STARD9: variants seen among roughly 807,000 people sequenced by gnomAD.
STARD9 encodes stAR-related lipid transfer protein 9.
A neutral mutation model predicts 399.8 loss-of-function variants in STARD9; 346 were observed. That is an observed-to-expected ratio of 0.87 (90% CI 0.79 to 0.95). STARD9 has a LOEUF of 0.95. Ranked by LOEUF, STARD9 falls within the 40% of genes least tolerant of loss-of-function variation. The pLI, the probability that STARD9 is intolerant of heterozygous loss-of-function variation, is 0.00. For synonymous variants in STARD9, 2,203 were observed against 2,143.5 expected, an observed-to-expected ratio of 1.03 and a Z score of -0.77; for missense variants, 5,832 against 5,667.5, an observed-to-expected ratio of 1.03 and a Z score of -0.93.
intron 4 of STARD9, among the ~76,000 whole-genome samples, chr15:42,637,656 C>T (rs1208049230): frequency 6.6e-6 from 1 of 152,066 alleles, no homozygotes; most frequent in Non-Finnish European, 1.5e-5. Flanking sequence ...CTGGGTTTGC[C>T]GGCTTCTCCT....
In STARD9 at chr15:42,685,408, T is replaced by C; in HGVS notation, c.3830T>C (p.Leu1277Pro). 6.5e-7 allele frequency: 1 copy of C among 1,535,410 alleles called. No individual in the cohort carries two copies. Among genetic ancestry groups the C allele is most frequent in the East Asian group, 2.4e-5 (1 of 40,890 alleles). Residue 1277 changes from leucine to proline, a missense_variant, in exon 23 of 33, where the codon CTT (leucine) becomes CCT (proline). Physicochemically the swap from Leu to Pro is moderately conservative, Grantham distance 98 (BLOSUM62 -3). Coordinates refer to ENST00000290607, the MANE Select transcript of STARD9 (RefSeq NM_020759.3). ...CTGCCAATGAGCAGTTCGTTTTACC[T>C]TGATCCTCAGTTCCAACCCCATTGT... is the stretch of plus-strand genomic sequence containing the variant. ...AVLPMSSSFY[L>P]DPQFQPHCEL... is the part of the protein sequence containing the mutation.
At chr15:42,678,081 C>A (rs1175808996) in intron 20 of STARD9, among the ~76,000 whole-genome samples, 2 of 152,202 alleles carry the variant, frequency 1.3e-5, no homozygotes, top group Non-Finnish European at 1.5e-5. Flanking sequence ...GCTCTAGGAG[C>A]CTGTAGGCTG....
intron 3 of STARD9, among the ~76,000 whole-genome samples, chr15:42,598,555 A>C (rs1372642979): frequency 6.6e-6 from 1 of 152,040 alleles, no homozygotes; most frequent in Non-Finnish European, 1.5e-5. Flanking sequence ...TTTTTTCCCC[A>C]GATAACTATC....
chr15:42,716,633 G>T, intron 26 of STARD9, 44 bp from the exon 27 acceptor site: 1 of 1,242,996 alleles, frequency 8.0e-7, no homozygotes, highest in Non-Finnish European at 1.1e-6. Flanking sequence ...AGATAATTCT[G>T]TGCTTGCCTT....
In STARD9 at chr15:42,684,669, G is replaced by A; in HGVS notation, c.3091G>A (p.Glu1031Lys). 2.0e-6 allele frequency: 3 copies of A among 1,537,158 alleles called. No homozygotes were observed. The highest frequency in any genetic ancestry group is 2.6e-6 in the Non-Finnish European group (3 of 1,146,896). Residue 1031 changes from glutamate (E) to lysine (K), a missense_variant, in exon 23 of 33, where the codon GAA becomes AAA. Physicochemically the swap from Glu to Lys is moderately conservative, Grantham distance 56 (BLOSUM62 1). Around this residue, in one of 2 missense-constraint regions of STARD9, gnomAD observed 5,828 missense variants for 5,651.1 expected, o/e 1.03. Transcript: ENST00000290607. ...AAAGGCAGTCAAGACTTTTTGGACAGAATACAAACCACCTTCTCCAAGCAG... is the reference window on the plus strand; with the variant it reads ...AAAGGCAGTCAAGACTTTTTGGACAAAATACAAACCACCTTCTCCAAGCAG... ...HGKAVKTFWT[E>K]YKPPSPSRAS... is the part of the protein sequence containing the mutation.
intron 26 of STARD9, 131 bp downstream of exon 26, chr15:42,696,011 T>TGTGCACCAGCTCTAATGGAAGCCTC: frequency 1.1e-6 from 1 of 918,510 alleles, no homozygotes. Flanking sequence ...ACATGAGCCC[T>TGTGCACCAGCTCTAATGGAAGCCTC]TCTTATGTGC....
intron 9 of STARD9, among the ~76,000 whole-genome samples, chr15:42,658,145 C>A (rs1260615554): frequency 6.6e-6 from 1 of 151,948 alleles, no homozygotes; most frequent in African/African-American, 2.4e-5. Context: ...AACTTTTGTA[C>A]TTTTATAATT....
At chr15:42,670,796 A>G (rs1384091247) in intron 16 of STARD9, 1 of 152,236 alleles carries the variant, frequency 6.6e-6, no homozygotes, top group Non-Finnish European at 1.5e-5. Context: ...TATACAGGGT[A>G]TAAATTTTCT....
At chr15:42,641,708 G>A (rs982427310) in intron 7 of STARD9, among the ~76,000 whole-genome samples, 3 of 151,828 alleles carry the variant, frequency 2.0e-5, no homozygotes, top group South Asian at 2.1e-4. Flanking sequence ...AGGTTCAAGC[G>A]ATTCTCCTGC....
rs911363478 is a variant in STARD9, at chr15:42,691,267, T to C, written c.9689T>C (p.Val3230Ala). ...SGGGEGFAQG[V>A]NPLPDEDGLD... ...GGTGGAGAAGGCTTCGCCCAGGGTGTGAATCCCCTTCCTGATGAAGATGGC... is the reference window on the plus strand; with the variant it reads ...GGTGGAGAAGGCTTCGCCCAGGGTGCGAATCCCCTTCCTGATGAAGATGGC... The change falls in exon 23 of 33, where the codon GTG (valine) becomes GCG (alanine). Residue 3230 changes from valine (V) to alanine (A), a missense_variant. Val to Ala is a moderately conservative substitution (Grantham distance 64). This residue lies in a region of STARD9 where 5,828 missense variants were observed against 5,651.1 expected (regional missense o/e 1.03). Transcript: ENST00000290607. 9.1e-6 allele frequency: 14 copies of C among 1,537,128 alleles called. No homozygotes were observed. In the African/African-American group the frequency reaches 1.1e-4, roughly 12 times the overall value.
rs185128061 is a variant in STARD9 at position 42,584,899 on chromosome 15, A to T, written c.118-622A>T. 1.1e-4 allele frequency among the ~76,000 whole-genome samples: 17 copies of T among 152,314 alleles called. No individual in the cohort carries two copies. The East Asian group carries it at 2.3e-3, about 21-fold the overall frequency. Reference sequence around the variant, plus strand: ...TGAACGTCTTAATTTGAAAATTTGAAATCTGAAATCCTTCAAAATCTGAAG... The same window carrying T: ...TGAACGTCTTAATTTGAAAATTTGATATCTGAAATCCTTCAAAATCTGAAG... On this transcript the variant is annotated intron_variant, in intron 2 of 32. Transcript: ENST00000290607.
chr15:42,683,511 AATTAAG>A (rs1320439951), intron 22 of STARD9, among the ~76,000 whole-genome samples: 6 of 152,200 alleles, frequency 3.9e-5, no homozygotes, highest in Non-Finnish European at 7.3e-5. Flanking sequence ...CAGCTACCAA[AATTAAG>A]ATTATTTGAT....
intron 26 of STARD9, among the ~76,000 whole-genome samples, chr15:42,703,474 C>T (rs2061010660): frequency 6.6e-6 from 1 of 151,326 alleles, no homozygotes; most frequent in Non-Finnish European, 1.5e-5. Flanking sequence ...AGCAATTCTC[C>T]TGCCTCAGCC....
chr15:42,636,353 CG>C (rs1337518799), intron 4 of STARD9, among the ~76,000 whole-genome samples: 1 of 152,014 alleles, frequency 6.6e-6, no homozygotes, highest in Non-Finnish European at 1.5e-5. Context: ...GAGGCTGAGG[CG>C]GGCAGATCAC....
Position 42,693,338 on chromosome 15 carries a change from C to G in STARD9, c.11760C>G (p.Leu3920=). 1 of 1,537,192 alleles carries G rather than the reference C, an allele frequency of 6.5e-7. No homozygotes were observed. The highest frequency in any genetic ancestry group is 8.7e-7 in the Non-Finnish European group (1 of 1,146,916). ...EPGLSPGSLT[L]SAPSTHPVEG... ...GTCTTTCCCCAGGCTCTTTGACCCT[C>G]TCAGCCCCTTCAACTCACCCTGTTG... Residue 3920 remains leucine, a synonymous_variant, in exon 23 of 33, where the codon CTC becomes CTG. Transcript: ENST00000290607.
rs2060787068 is a variant in STARD9, at chr15:42,694,195, TCTCA to T, written c.12622_12625del (p.Leu4208AlafsTer37). 1 of 1,535,756 alleles carries T rather than the reference TCTCA, an allele frequency of 6.5e-7. No homozygotes were observed. On this transcript the variant is annotated frameshift_variant, in exon 23 of 33. Transcript: ENST00000290607. LOFTEE classifies it high-confidence loss of function. ...CCCCTGCAAGTTGGGGCCCAGAACC[TCTCA>T]CTCAGCGTGGAACTCACAGAAGCGA...
chr15:42,637,577 G>A (rs80256176), intron 4 of STARD9, among the ~76,000 whole-genome samples: 12 of 152,258 alleles, frequency 7.9e-5, no homozygotes, highest in African/African-American at 2.9e-4. Flanking sequence ...GGTATAGGGG[G>A]CTGGGGGAAC....
In STARD9 at chr15:42,692,403, G is replaced by T; in HGVS notation, c.10825G>T (p.Gly3609Ter). Residue 3609 changes from glycine (G) to a stop codon, truncating the protein, a stop_gained, in exon 23 of 33, where the codon GGA becomes TGA. Transcript: ENST00000290607. LOFTEE classifies it high-confidence loss of function. ...GAGGAGTAAGCCCCCCTTGGCCAAA[G>T]GAAGTGCTGCAGGTCCAGTGGATGA... The part of the protein sequence containing the change: ...CLRSKPPLAK[G>*]SAAGPVDEIM... 1.3e-6 allele frequency: 2 copies of T among 1,537,062 alleles called. No homozygotes were observed. Among genetic ancestry groups the T allele is most frequent in the African/African-American group, 2.7e-5 (2 of 73,172 alleles).
At position 42,585,562 on chromosome 15, in the gene STARD9, G is replaced by C. The variant is rs1471765521; in HGVS notation, c.159G>C (p.Lys53Asn). The C allele has an allele frequency of 1.3e-6, 2 of 1,537,166 alleles. No individual in the cohort carries two copies. Among genetic ancestry groups the C allele is most frequent in the Non-Finnish European group, 8.7e-7 (1 of 1,146,884 alleles). Residue 53 changes from lysine to asparagine, a missense_variant, in exon 3 of 33, where the codon AAG becomes AAC. By Grantham distance (94) the Lys-to-Asn change is moderately conservative (BLOSUM62 0). Around this residue, in one of 2 missense-constraint regions of STARD9, gnomAD observed 5,828 missense variants for 5,651.1 expected, o/e 1.03. Coordinates refer to ENST00000290607, the MANE Select transcript of STARD9 (RefSeq NM_020759.3). ...RPDGFGDSRE[K>N]VMAFGFDYCY... ...ATGGCTTTGGGGACTCCCGGGAGAA[G>C]GTTATGGCATTTGGCTTTGATTACT...
Sources: gnomAD v4.1 joint callset for allele counts (sites outside exome capture counted in the v4.1 genomes callset) on GRCh38, gnomAD v4.1.1 for gene constraint, gnomAD v4.1.1 regional missense constraint, MANE v1.5 for transcripts, NCBI Gene and HGNC (gene_info 2026-07-23, HGNC 2026-07-21) for gene names.